Variants in DAB1 observed in about 807,000 individuals in gnomAD.
DAB1 encodes the protein disabled homolog 1.
A neutral mutation model predicts 64.6 loss-of-function variants in DAB1; 15 were observed. That is an observed-to-expected ratio of 0.23 (90% CI 0.16 to 0.36). The LOEUF (loss-of-function observed/expected upper bound fraction) is 0.36, where lower values mean the gene tolerates loss of function less well. DAB1 is among the 10% of genes least tolerant of loss of function. The probability of loss-of-function intolerance (pLI) is 1.00; values close to 1 mark genes in which losing one functional copy is unlikely to be tolerated. For synonymous variants in DAB1, 235 were observed against 251.9 expected (o/e 0.93, Z 0.64); for missense variants, 596 against 706.7 (o/e 0.84, Z 1.78).
At chr1:57,668,942 C>T (rs1393980277) in intron 6 of DAB1, among the ~76,000 whole-genome samples, 1 of 152,076 alleles carries the variant, frequency 6.6e-6, no homozygotes, top group Non-Finnish European at 1.5e-5. Context: ...TGGACAGACA[C>T]ATTATAAATA....
intron 4 of DAB1, among the ~76,000 whole-genome samples, chr1:58,203,950 G>A (rs190078580): frequency 4.2e-4 from 64 of 152,320 alleles, no homozygotes; most frequent in Non-Finnish European, 3.5e-4. Flanking sequence ...CAAAGAGCAT[G>A]CATACAGAAG....
chr1:58,055,841 T>C (rs966785450), intron 5 of DAB1, among the ~76,000 whole-genome samples: 12 of 151,908 alleles, frequency 7.9e-5, no homozygotes, highest in African/African-American at 2.4e-4. Flanking sequence ...TGCCTCAGCC[T>C]CCCAAGTAAC....
In DAB1 at chr1:58,049,258, G is replaced by A; in HGVS notation, n.387+101253C>T. 4 of 747,382 alleles carry A rather than the reference G, an allele frequency of 5.4e-6. No homozygotes were observed. The South Asian group carries it at 5.7e-5, about 11-fold the overall frequency. 46.3% of individuals were successfully genotyped at this position (747,382 alleles called of 1,614,324 possible). A position where few individuals can be genotyped will look rare whatever the true frequency, so the allele number is the denominator to read the frequency against. On this transcript the variant is annotated intron_variant and non_coding_transcript_variant, in intron 5 of 20. Coordinates refer to the DAB1 transcript ENST00000485760. Reference sequence around the variant, plus strand: ...CCTCCAGTGAAGAGCTTCCTAAGCTGTTCGGGCTCTTTAGGAGACTCTGAC... The same window carrying A: ...CCTCCAGTGAAGAGCTTCCTAAGCTATTCGGGCTCTTTAGGAGACTCTGAC...
chr1:57,072,145 G>A, intron 5 of DAB1, 138 bp downstream of exon 5: 1 of 906,878 alleles, frequency 1.1e-6, no homozygotes, highest in Non-Finnish European at 1.7e-6. Flanking sequence ...TTTTCTAGAT[G>A]GGAATGTGAG....
At chr1:58,295,330 TGA>T (rs900704311) in intron 4 of DAB1, among the ~76,000 whole-genome samples, 11 of 152,184 alleles carry the variant, frequency 7.2e-5, no homozygotes, top group African/African-American at 2.2e-4. Flanking sequence ...TTCTGAAGCC[TGA>T]GAGAGAAAAT....
chr1:58,107,937 C>T (rs1030542942), intron 5 of DAB1, among the ~76,000 whole-genome samples: 3 of 151,936 alleles, frequency 2.0e-5, no homozygotes, highest in Non-Finnish European at 2.9e-5. Flanking sequence ...GTTTTAAACA[C>T]AGGGAAAAAA....
intron 7 of DAB1, among the ~76,000 whole-genome samples, chr1:57,463,635 C>T (rs1202411242): frequency 1.3e-5 from 2 of 152,114 alleles, no homozygotes; most frequent in Admixed American, 6.5e-5. Context: ...AATTAAAGAG[C>T]GACTCTTCTT....
intron 3 of DAB1, among the ~76,000 whole-genome samples, chr1:58,464,298 G>A (rs1645273501): frequency 6.6e-6 from 1 of 152,178 alleles, no homozygotes; most frequent in South Asian, 2.1e-4. Flanking sequence ...CCTTCCCAGG[G>A]CTTGACATAT....
At chr1:57,080,745 C>T (rs472713) in intron 4 of DAB1, among the ~76,000 whole-genome samples, 28,573 of 145,528 alleles carry the variant, frequency 0.2, 3,494 homozygotes, top group Middle Eastern at 0.32. Context: ...AACACACACA[C>T]ACACACACAC....
chr1:57,015,476 G>T (rs1646400553), intron 11 of DAB1, 45 bp from the exon 12 acceptor site: 9 of 1,528,946 alleles, frequency 5.9e-6, no homozygotes, highest in Non-Finnish European at 8.0e-6. Context: ...CTGGTGTCCT[G>T]GGAAAGAAGG....
chr1:57,620,796 G>A (rs1339004613), intron 7 of DAB1, among the ~76,000 whole-genome samples: 1 of 152,190 alleles, frequency 6.6e-6, no homozygotes, highest in South Asian at 2.1e-4. Context: ...ACAGGCTCTG[G>A]GTCTGGAAGC....
intron 1 of DAB1, among the ~76,000 whole-genome samples, chr1:57,872,139 T>C (rs1003400001): frequency 9.9e-5 from 15 of 152,190 alleles, no homozygotes; most frequent in African/African-American, 3.6e-4. Flanking sequence ...ACTTTAAAAG[T>C]TATTATTATT....
In DAB1 at chr1:57,738,489, A is replaced by G. The variant is rs187047628; in HGVS notation, n.552-88824T>C. ...CAGTGTCATCTCTCCCCCACCCACAACCCCACACATACCCCCAACCCCACA... is the reference window on the plus strand; with the variant it reads ...CAGTGTCATCTCTCCCCCACCCACAGCCCCACACATACCCCCAACCCCACA... On this transcript the variant is annotated intron_variant and non_coding_transcript_variant, in intron 6 of 20. Coordinates refer to the DAB1 transcript ENST00000485760. Among the ~76,000 whole-genome samples, 147 of 151,680 alleles carry G rather than the reference A, an allele frequency of 9.7e-4. 1 individual carries two copies. The highest frequency in any genetic ancestry group is 3.5e-3 in the African/African-American group (143 of 41,336).
At chr1:57,346,139 G>A (rs1179540479) in intron 1 of DAB1, among the ~76,000 whole-genome samples, 4 of 152,126 alleles carry the variant, frequency 2.6e-5, no homozygotes, top group Non-Finnish European at 4.4e-5. Flanking sequence ...GCTACAAAAC[G>A]GCTTAACTGG....
intron 2 of DAB1, among the ~76,000 whole-genome samples, chr1:57,170,244 C>T (rs1661616304): frequency 6.6e-6 from 1 of 152,138 alleles, no homozygotes; most frequent in Non-Finnish European, 1.5e-5. Flanking sequence ...AGTGATCCAA[C>T]TGCCTCGGCC....
intron 4 of DAB1, among the ~76,000 whole-genome samples, chr1:58,159,564 C>T (rs539196768): frequency 7.9e-5 from 12 of 152,286 alleles, no homozygotes; most frequent in African/African-American, 2.2e-4. Flanking sequence ...AATCTCTCCA[C>T]GCTGTACACT....
intron 5 of DAB1, among the ~76,000 whole-genome samples, chr1:58,026,023 T>TGCATGATAG (rs1419849813): frequency 3.4e-4 from 52 of 152,194 alleles, no homozygotes; most frequent in Non-Finnish European, 6.0e-4. Context: ...TCATGCAACT[T>TGCATGATAG]CTCTAATAGC....
intron 5 of DAB1, among the ~76,000 whole-genome samples, chr1:58,004,090 G>T (rs1426409820): frequency 6.6e-6 from 1 of 152,262 alleles, no homozygotes; most frequent in East Asian, 1.9e-4. Context: ...CAGAACCAAG[G>T]AGCTCAGAGA....
intron 2 of DAB1, among the ~76,000 whole-genome samples, chr1:58,520,124 T>A (rs7517424): frequency 0.64 from 96,972 of 151,836 alleles, 32,591 homozygotes; most frequent in East Asian, 0.82. Flanking sequence ...GGAGCAAGGG[T>A]TGAAAAACCA....
Sources: gnomAD v4.1 joint callset for allele counts (sites outside exome capture counted in the v4.1 genomes callset) on GRCh38, gnomAD v4.1.1 for gene constraint, MANE v1.5 for transcripts, NCBI Gene and HGNC (gene_info 2026-07-23, HGNC 2026-07-21) for gene names.